Variants in ANK3 observed in about 807,000 individuals in gnomAD.
ANK3 encodes the protein ankyrin 3, also known as ankyrin-3.
A neutral mutation model predicts 370.9 loss-of-function variants in ANK3; 57 were observed. That is an observed-to-expected ratio of 0.15 (90% CI 0.12 to 0.19). ANK3 has a LOEUF of 0.19. Among genes scored for constraint, ANK3 ranks in the 10% least tolerant of loss-of-function variants. The pLI, the probability that ANK3 is intolerant of heterozygous loss-of-function variation, is 1.00. For missense variants in ANK3, 4,439 were observed against 5,302.1 expected (o/e 0.84, Z 5.06); for synonymous variants, 1,929 against 1,946.3 (o/e 0.99, Z 0.23).
At chr10:60,325,432 C>A (rs76731758) in intron 1 of ANK3, among the ~76,000 whole-genome samples, 2 of 152,140 alleles carry the variant, frequency 1.3e-5, no homozygotes, top group African/African-American at 4.8e-5. Flanking sequence ...AGCCTGAGAC[C>A]ACCCCCCTGC....
chr10:60,594,330 C>T (rs1464996294), intron 2 of ANK3, among the ~76,000 whole-genome samples: 1 of 152,132 alleles, frequency 6.6e-6, no homozygotes, highest in Non-Finnish European at 1.5e-5. Flanking sequence ...ACAGCTTTCA[C>T]ACCCATCATA....
At chr10:60,581,581 T>C (rs1055428553) in intron 2 of ANK3, among the ~76,000 whole-genome samples, 11 of 151,612 alleles carry the variant, frequency 7.3e-5, no homozygotes, top group African/African-American at 2.7e-4. Flanking sequence ...CCTGCCACCA[T>C]GCCTGGCTAA....
At chr10:60,313,883 G>A (rs1232816119) in intron 1 of ANK3, among the ~76,000 whole-genome samples, 1 of 150,714 alleles carries the variant, frequency 6.6e-6, no homozygotes, top group East Asian at 1.9e-4. Context: ...AGCACCTCCA[G>A]CCTGCATCAC....
At chr10:60,642,868 A>G (rs999810250) in intron 1 of ANK3, among the ~76,000 whole-genome samples, 1 of 152,212 alleles carries the variant, frequency 6.6e-6, no homozygotes, top group African/African-American at 2.4e-5. Flanking sequence ...CATGTGTCCA[A>G]TAACAGAGCT....
At chr10:60,335,100 C>T (rs958765350) in intron 1 of ANK3, among the ~76,000 whole-genome samples, 2 of 151,904 alleles carry the variant, frequency 1.3e-5, no homozygotes, top group Non-Finnish European at 2.9e-5. Flanking sequence ...AATGTGCATG[C>T]GTGTGTATGT....
intron 7 of ANK3, among the ~76,000 whole-genome samples, chr10:60,255,730 T>A (rs72820480): frequency 6.6e-6 from 1 of 152,198 alleles, no homozygotes; most frequent in African/African-American, 2.4e-5. Flanking sequence ...GGACATGCGA[T>A]ATATCTGTGC....
chr10:60,560,734 G>A (rs2077316796), intron 2 of ANK3, among the ~76,000 whole-genome samples: 1 of 152,086 alleles, frequency 6.6e-6, no homozygotes, highest in African/African-American at 2.4e-5. Flanking sequence ...TCTCTGTTGG[G>A]GGATAGGGAT....
At chr10:60,373,723 C>G (rs1192299403) in intron 1 of ANK3, among the ~76,000 whole-genome samples, 3 of 152,114 alleles carry the variant, frequency 2.0e-5, no homozygotes, top group Non-Finnish European at 4.4e-5. Context: ...AGGATCTCTC[C>G]CTTGCTTTAC....
At chr10:60,627,986 C>T (rs756283344) in intron 1 of ANK3, among the ~76,000 whole-genome samples, 1 of 152,124 alleles carries the variant, frequency 6.6e-6, no homozygotes, top group Non-Finnish European at 1.5e-5. Context: ...AAAGTTCATG[C>T]TTTCAAGCAG....
chr10:60,205,980 G>A, intron 10 of ANK3, 90 bp from the exon 11 acceptor site: 2 of 834,556 alleles, frequency 2.4e-6, no homozygotes, highest in Non-Finnish European at 4.0e-6. Flanking sequence ...CTAAAATGAT[G>A]TGTGGTAAAT....
intron 1 of ANK3, among the ~76,000 whole-genome samples, chr10:60,659,089 T>G (rs964611683): frequency 2.6e-5 from 4 of 152,104 alleles, no homozygotes; most frequent in Admixed American, 1.3e-4. Context: ...TAACTCTAAA[T>G]GAATTGTAGC....
At chr10:60,351,206 T>A (rs879350513) in intron 1 of ANK3, among the ~76,000 whole-genome samples, 2 of 152,164 alleles carry the variant, frequency 1.3e-5, no homozygotes, top group Non-Finnish European at 2.9e-5. Flanking sequence ...CTCCCAATAG[T>A]TAATAGGACC....
chr10:60,219,360 T>C (rs1363777729), intron 8 of ANK3, among the ~76,000 whole-genome samples: 6 of 152,268 alleles, frequency 3.9e-5, no homozygotes, highest in South Asian at 2.1e-4. Context: ...AGGACAACTT[T>C]ATTAGGTCTT....
At chr10:60,531,184 A>G (rs2076597486) in intron 2 of ANK3, among the ~76,000 whole-genome samples, 1 of 152,060 alleles carries the variant, frequency 6.6e-6, no homozygotes, top group African/African-American at 2.4e-5. Flanking sequence ...ATTATGCCCA[A>G]AAATAGAGGC....
intron 2 of ANK3, among the ~76,000 whole-genome samples, chr10:60,443,865 T>G (rs1207837003): frequency 6.6e-6 from 1 of 152,110 alleles, no homozygotes; most frequent in South Asian, 2.1e-4. Context: ...CTCTGATAGG[T>G]GCCAAGCAAG....
chr10:60,156,624 C>G (rs2095336308), intron 23 of ANK3, among the ~76,000 whole-genome samples: 1 of 152,156 alleles, frequency 6.6e-6, no homozygotes, highest in South Asian at 2.1e-4. Flanking sequence ...GTGGGAGAGA[C>G]TTTTTACCTG....
intron 2 of ANK3, among the ~76,000 whole-genome samples, chr10:60,425,737 G>A (rs565292745): frequency 2.6e-5 from 4 of 152,230 alleles, no homozygotes; most frequent in East Asian, 3.9e-4. Context: ...GACAGGGAAC[G>A]GCTGAGGTAA....
chr10:60,621,723 G>GT (rs1038195127), intron 1 of ANK3, among the ~76,000 whole-genome samples: 4 of 151,984 alleles, frequency 2.6e-5, no homozygotes, highest in African/African-American at 7.2e-5. Flanking sequence ...CATCATCTAT[G>GT]TTTTTTTCAA....
intron 2 of ANK3, among the ~76,000 whole-genome samples, chr10:60,459,362 G>A (rs1049582267): frequency 5.9e-5 from 9 of 152,194 alleles, no homozygotes; most frequent in East Asian, 5.8e-4. Flanking sequence ...CTGGCAGGTC[G>A]GGGACACTGC....
Sources: allele counts gnomAD v4.1 joint callset (sites outside exome capture counted in the v4.1 genomes callset), GRCh38; gene constraint gnomAD v4.1.1; transcripts MANE v1.5; gene names NCBI Gene and HGNC (gene_info 2026-07-23, HGNC 2026-07-21).